Variants in ATL2 observed in about 807,000 individuals in gnomAD.
ATL2 encodes the protein atlastin-2.
In ATL2, 31 loss-of-function variants were observed where a neutral mutation model predicts 73.9. The observed-to-expected ratio is 0.42, with a 90% CI of 0.32 to 0.57. The LOEUF is 0.57. Among genes scored for constraint, ATL2 ranks in the 20% least tolerant of loss-of-function variants. The pLI is 0.14. For missense variants in ATL2, 738 were observed against 702.6 expected (o/e 1.05, Z -0.57); for synonymous variants, 291 against 237.5 (o/e 1.23, Z -2.07).
rs529589577 is a variant in ATL2, at chr2:38,345,750, G to A, written c.119-2238C>T. Among the ~76,000 whole-genome samples, 42 of 152,246 alleles carry A rather than the reference G, an allele frequency of 2.8e-4. No homozygotes were observed. The South Asian group carries it at 7.9e-3, about 29-fold the overall frequency. ...ATAAATAACAAAACAGGATGCAAAC[G>A]GTATAAGTTTCTAAGCTTAATTAGT... On this transcript the variant is annotated intron_variant, in intron 1 of 12. Transcript: ENST00000378954.
At position 38,336,617 on chromosome 2, in the gene ATL2, A is replaced by G. The variant is rs1244360686; in HGVS notation, c.363+6651T>C. Among the ~76,000 whole-genome samples, 4 of 152,232 alleles carry G rather than the reference A, an allele frequency of 2.6e-5. No individual in the cohort carries two copies. In the East Asian group the frequency reaches 5.8e-4, roughly 22 times the overall value. On this transcript the variant is annotated intron_variant, in intron 2 of 12. Coordinates refer to ENST00000378954, the MANE Select transcript of ATL2 (RefSeq NM_001135673.4). ...CCTGTACTTTACTTATTGTAGATAT[A>G]TGGGAAAATGACCAAACATAATTTT...
Position 38,295,900 on chromosome 2 carries a change from G to C in ATL2, c.*94C>G. 1 of 1,082,228 alleles carries C rather than the reference G, an allele frequency of 9.2e-7. No individual in the cohort carries two copies. The highest frequency in any genetic ancestry group is 1.3e-6 in the Non-Finnish European group (1 of 757,918). The allele number at this position is 1,082,228 out of a possible 1,614,324, so 67.0% of individuals were successfully genotyped here. ...CCAGTTACACTAAACTACTTCTACA[G>C]TTGATTGTAAACTTTGGTTTATTTT... On this transcript the variant is annotated 3_prime_UTR_variant, in exon 13 of 13. Coordinates refer to ENST00000378954, the MANE Select transcript of ATL2 (RefSeq NM_001135673.4).
intron 1 of ATL2, chr2:38,376,177 C>G (rs1671951849): frequency 6.6e-7 from 1 of 1,521,438 alleles, no homozygotes; most frequent in Admixed American, 2.1e-5. Flanking sequence ...TCTTAAGTAC[C>G]ATCAAAATTT....
chr2:38,346,102 G>C (rs1367341641), intron 1 of ATL2, among the ~76,000 whole-genome samples: 1 of 152,212 alleles, frequency 6.6e-6, no homozygotes, highest in African/African-American at 2.4e-5. Flanking sequence ...CTCTGGCACA[G>C]ACTTGCTGGC....
chr2:38,325,689 CA>C (rs1668588294), intron 2 of ATL2, among the ~76,000 whole-genome samples: 6 of 69,586 alleles, frequency 8.6e-5, no homozygotes, highest in Non-Finnish European at 1.4e-4. Flanking sequence ...CACACACACA[CA>C]CACACCAGTA....
intron 1 of ATL2, among the ~76,000 whole-genome samples, chr2:38,357,524 C>T (rs575559160): frequency 4.4e-4 from 67 of 150,830 alleles, no homozygotes; most frequent in African/African-American, 1.6e-3. Flanking sequence ...CGTGGTGGCA[C>T]ACCTGTAGTC....
chr2:38,296,694 G>GA, intron 12 of ATL2: 6 of 1,557,510 alleles, frequency 3.9e-6, no homozygotes, highest in Non-Finnish European at 4.4e-6. Flanking sequence ...ACCTTCCTGG[G>GA]ACTCCTCTGA....
At chr2:38,353,415 G>GA (rs1169567612) in intron 1 of ATL2, among the ~76,000 whole-genome samples, 1 of 151,986 alleles carries the variant, frequency 6.6e-6, no homozygotes, top group African/African-American at 2.4e-5. Flanking sequence ...AGTACAGAGA[G>GA]AAAAAAGAAT....
intron 1 of ATL2, among the ~76,000 whole-genome samples, chr2:38,374,636 C>T (rs1671862632): frequency 6.6e-6 from 1 of 152,158 alleles, no homozygotes; most frequent in South Asian, 2.1e-4. Flanking sequence ...TTCCAAATGA[C>T]CATCAACAAT....
chr2:38,324,178 T>G (rs1668476053), intron 2 of ATL2, among the ~76,000 whole-genome samples: 1 of 152,170 alleles, frequency 6.6e-6, no homozygotes, highest in Non-Finnish European at 1.5e-5. Flanking sequence ...CTCGGGAGGC[T>G]GAGGCAGGAA....
intron 1 of ATL2, among the ~76,000 whole-genome samples, chr2:38,362,692 G>C (rs115383516): frequency 2.6e-5 from 4 of 152,212 alleles, no homozygotes; most frequent in Non-Finnish European, 5.9e-5. Flanking sequence ...GAGAACTACA[G>C]ATTCAGTAGT....
upstream of ATL2, among the ~76,000 whole-genome samples, chr2:38,377,570 T>G (rs962693565): frequency 5.3e-5 from 8 of 151,896 alleles, no homozygotes; most frequent in African/African-American, 1.9e-4. Context: ...CCCACCTCCC[T>G]GAGCTCAGCA....
At chr2:38,340,306 C>T (rs1239547517) in intron 2 of ATL2, among the ~76,000 whole-genome samples, 1 of 151,374 alleles carries the variant, frequency 6.6e-6, no homozygotes, top group Non-Finnish European at 1.5e-5. Flanking sequence ...AAGATTTGTG[C>T]ACCTTTTCTG....
intron 1 of ATL2, among the ~76,000 whole-genome samples, chr2:38,343,877 T>C (rs981187320): frequency 1.3e-5 from 2 of 151,822 alleles, no homozygotes; most frequent in South Asian, 4.2e-4. Flanking sequence ...TTATAAGAGG[T>C]TTCCCTGCAC....
Position 38,352,154 on chromosome 2 carries a change from A to C in ATL2, c.119-8642T>G, listed in dbSNP as rs1243967621. 1.5e-3 allele frequency among the ~76,000 whole-genome samples: 217 copies of C among 140,918 alleles called. 3 individuals carry two copies. The highest frequency in any genetic ancestry group is 3.8e-3 in the African/African-American group (125 of 33,228). 92.4% of individuals were successfully genotyped at this position (140,918 alleles called of 152,430 possible). On this transcript the variant is annotated intron_variant, in intron 1 of 12. Coordinates refer to ENST00000378954, the MANE Select transcript of ATL2 (RefSeq NM_001135673.4). ...CAACCAAAAAAAAAAAAAAAAAAAAAAAAAAACCACCATAAAATCAAGTGG... is the reference window on the plus strand; with the variant it reads ...CAACCAAAAAAAAAAAAAAAAAAAACAAAAAACCACCATAAAATCAAGTGG...
At chr2:38,313,111 T>G in intron 7 of ATL2, 40 bp downstream of exon 7, 1 of 1,465,082 alleles carries the variant, frequency 6.8e-7, no homozygotes, top group Non-Finnish European at 9.5e-7. Flanking sequence ...TTTGCCTAGC[T>G]TGGTGCTTAT....
chr2:38,302,277 TGAG>T (rs1418303711), intron 9 of ATL2, among the ~76,000 whole-genome samples: 1 of 151,654 alleles, frequency 6.6e-6, no homozygotes, highest in Non-Finnish European at 1.5e-5. Flanking sequence ...GTTGTGGCTA[TGAG>T]GAGAGTCTCC....
At chr2:38,333,232 T>A (rs575319674) in intron 2 of ATL2, among the ~76,000 whole-genome samples, 206 of 152,036 alleles carry the variant, frequency 1.4e-3, no homozygotes, top group Non-Finnish European at 2.4e-3. Flanking sequence ...GAGGCTTCAG[T>A]GAGCTGTGAT....
At chr2:38,363,379 G>A (rs893001488) in intron 1 of ATL2, among the ~76,000 whole-genome samples, 2 of 145,874 alleles carry the variant, frequency 1.4e-5, no homozygotes, top group Non-Finnish European at 3.0e-5. Flanking sequence ...GTGGGGGGGG[G>A]GGTTATTTAT....
Sources: allele counts gnomAD v4.1 joint callset (sites outside exome capture counted in the v4.1 genomes callset), GRCh38; gene constraint gnomAD v4.1.1; transcripts MANE v1.5; gene names NCBI Gene and HGNC (gene_info 2026-07-23, HGNC 2026-07-21).